The following SCAMP5 variants were observed in gnomAD, a reference collection of about 807,000 sequenced individuals.
SCAMP5 encodes secretory carrier-associated membrane protein 5.
SCAMP5 carries 7 observed loss-of-function variants against 28.3 expected under a neutral mutation model. The observed-to-expected ratio is 0.25, with a 90% CI of 0.14 to 0.46. SCAMP5 has a LOEUF of 0.46. SCAMP5 is among the 20% of genes least tolerant of loss of function. The pLI, the probability that SCAMP5 is intolerant of heterozygous loss-of-function variation, is 0.99. For synonymous variants in SCAMP5, 117 were observed against 116.4 expected (o/e 1.00, Z -0.03); for missense variants, 192 against 312.5 (o/e 0.61, Z 2.91).
chr15:75,000,578 G>C (rs1057079990), intron 1 of SCAMP5, among the ~76,000 whole-genome samples: 15 of 151,216 alleles, frequency 9.9e-5, no homozygotes, highest in African/African-American at 3.4e-4. Flanking sequence ...TAGAGACGAG[G>C]TTTCACCGTG....
chr15:75,006,125 G>A (rs942142230), intron 1 of SCAMP5, among the ~76,000 whole-genome samples: 18 of 150,954 alleles, frequency 1.2e-4, no homozygotes, highest in African/African-American at 3.9e-4. Flanking sequence ...AGCCTCTGGA[G>A]TAGCTGGGAT....
chr15:75,002,741 T>C (rs1238776999), intron 1 of SCAMP5, among the ~76,000 whole-genome samples: 1 of 147,980 alleles, frequency 6.8e-6, no homozygotes, highest in Non-Finnish European at 1.5e-5. Context: ...TCTGCTTGCC[T>C]TTTTTTTTTC....
At chr15:75,005,820 G>A (rs979228218) in intron 1 of SCAMP5, among the ~76,000 whole-genome samples, 3 of 151,880 alleles carry the variant, frequency 2.0e-5, no homozygotes, top group Non-Finnish European at 4.4e-5. Context: ...CGCCTCCCGG[G>A]TTCAAGCAAT....
intron 1 of SCAMP5, among the ~76,000 whole-genome samples, chr15:75,005,047 C>T (rs889103416): frequency 5.3e-5 from 8 of 151,660 alleles, no homozygotes; most frequent in African/African-American, 4.8e-5. Context: ...TGGTGGCGTG[C>T]GCCTGTAGTC....
At chr15:75,017,530 G>C in intron 4 of SCAMP5, 1 of 503,726 alleles carries the variant, frequency 2.0e-6, no homozygotes, top group South Asian at 3.3e-5. Flanking sequence ...AGTGGAGCTA[G>C]CTGTCTTGGT....
At chr15:74,997,047 C>G (rs1386542399) in intron 1 of SCAMP5, among the ~76,000 whole-genome samples, 1 of 152,110 alleles carries the variant, frequency 6.6e-6, no homozygotes, top group Non-Finnish European at 1.5e-5. Context: ...AGTCACCTCC[C>G]CTCTCTGGGC....
chr15:74,998,369 G>C (rs916889426), intron 1 of SCAMP5, among the ~76,000 whole-genome samples: 1 of 152,184 alleles, frequency 6.6e-6, no homozygotes, highest in African/African-American at 2.4e-5. Context: ...ACTTGGGGAG[G>C]CCGAGGCGGG....
At chr15:74,997,182 T>A (rs761800281) in intron 1 of SCAMP5, 4 of 152,240 alleles carry the variant, frequency 2.6e-5, no homozygotes, top group Non-Finnish European at 5.9e-5. Context: ...TTTCCTTTCC[T>A]CCCCTATCCC....
Position 75,017,936 on chromosome 15 carries a change from C to A in SCAMP5, c.360C>A (p.Ile120=), listed in dbSNP as rs367635580. Residue 120 remains isoleucine (I), a synonymous_variant, in exon 5 of 7, where the codon ATC becomes ATA. Coordinates refer to ENST00000425597, the MANE Select transcript of SCAMP5 (RefSeq NM_138967.4). Reference sequence around the variant, plus strand: ...TCATGGCTCAGTTGGTCATCAGCATCATCCAGGCCGTGGGCATCCCAGGCT... The same window carrying A: ...TCATGGCTCAGTTGGTCATCAGCATAATCCAGGCCGTGGGCATCCCAGGCT... The part of the protein sequence containing the change: ...FTFMAQLVIS[I]IQAVGIPGWG... The A allele has an allele frequency of 1.2e-6, 2 of 1,613,818 alleles. No homozygotes were observed. Among genetic ancestry groups the A allele is most frequent in the South Asian group, 1.1e-5 (1 of 91,076 alleles).
intron 4 of SCAMP5, chr15:75,017,555 C>T: frequency 1.8e-6 from 1 of 547,866 alleles, no homozygotes; most frequent in Non-Finnish European, 3.2e-6. Context: ...TTGTCCATCC[C>T]CTTGACAATG....
intron 1 of SCAMP5, among the ~76,000 whole-genome samples, chr15:75,004,328 C>T (rs890670406): frequency 2.0e-5 from 3 of 152,180 alleles, no homozygotes; most frequent in Admixed American, 6.5e-5. Flanking sequence ...CACCACCATG[C>T]TTGTTTCTGC....
intron 1 of SCAMP5, chr15:75,009,746 G>A (rs1181346700): frequency 6.6e-6 from 1 of 152,168 alleles, no homozygotes; most frequent in Non-Finnish European, 1.5e-5. Flanking sequence ...AAAATGCTGG[G>A]ATTACAGGTG....
Position 75,018,633 on chromosome 15 carries a change from C to A in SCAMP5, c.513+98C>A. ...GTTGCAAGAGGATCCCGAGGTCTTC[C>A]AAGGGACTCACTCTGGAATGGCCTG... is the stretch of plus-strand genomic sequence containing the variant. On this transcript the variant is annotated intron_variant, in intron 6 of 6. Coordinates refer to ENST00000425597, the MANE Select transcript of SCAMP5 (RefSeq NM_138967.4). This position sits in a 1 kb window ranked among gnomAD's most constrained non-coding sequence, Gnocchi z 5.6. 2 of 1,065,784 alleles carry A rather than the reference C, an allele frequency of 1.9e-6. No homozygotes were observed. The highest frequency in any genetic ancestry group is 1.2e-5 in the South Asian group (1 of 80,060). The allele number at this position is 1,065,784 out of a possible 1,614,324, so 66.0% of individuals were successfully genotyped here.
intron 1 of SCAMP5, among the ~76,000 whole-genome samples, chr15:75,009,245 AG>A (rs2065788500): frequency 1.3e-5 from 2 of 152,336 alleles, no homozygotes; most frequent in Non-Finnish European, 2.9e-5. Flanking sequence ...TATTCAAAAC[AG>A]TGCCGCAATT....
Position 75,018,199 on chromosome 15 carries a change from T to TG in SCAMP5, c.396-214dup, listed in dbSNP as rs2065875007. On this transcript the variant is annotated intron_variant, in intron 5 of 6. Transcript: ENST00000425597. This position sits in a 1 kb window ranked among gnomAD's most constrained non-coding sequence, Gnocchi z 5.6. ...GGGTGTCAGGGATTATAGGAAAACC[T>TG]GGGGGAAGAAAGTGTTGTATCTGAA... 6.6e-6 allele frequency among the ~76,000 whole-genome samples: 1 copy of TG among 151,878 alleles called. No individual in the cohort carries two copies. Among genetic ancestry groups the TG allele is most frequent in the Non-Finnish European group, 1.5e-5 (1 of 67,956 alleles).
At chr15:75,001,513 T>A (rs1302001996) in intron 1 of SCAMP5, among the ~76,000 whole-genome samples, 1 of 151,328 alleles carries the variant, frequency 6.6e-6, no homozygotes. Flanking sequence ...CAGTGGCTCA[T>A]ATCTGTAATC....
In SCAMP5 at chr15:75,019,218, G is replaced by A. The variant is rs1017554961; in HGVS notation, c.*235G>A. 5.8e-5 allele frequency: 19 copies of A among 327,812 alleles called. No individual in the cohort carries two copies. Among genetic ancestry groups the A allele is most frequent in the African/African-American group, 8.6e-5 (4 of 46,660 alleles). 20.3% of individuals were successfully genotyped at this position (327,812 alleles called of 1,614,324 possible). ...GGCTGCACGTGGAGCTGTCCCGTGC[G>A]GTAGTAGCTGTGTCTGTGTCCCCTC... On this transcript the variant is annotated 3_prime_UTR_variant, in exon 7 of 7. Coordinates refer to ENST00000425597, the MANE Select transcript of SCAMP5 (RefSeq NM_138967.4).
rs1829106000 is a variant in SCAMP5 at position 74,995,664 on chromosome 15, G to A, written c.-58G>A. 6.6e-6 allele frequency: 1 copy of A among 151,410 alleles called. No individual in the cohort carries two copies. Among genetic ancestry groups the A allele is most frequent in the African/African-American group, 2.4e-5 (1 of 41,326 alleles). The allele number at this position is 151,410 out of a possible 1,614,324, so 9.4% of individuals were successfully genotyped here. The stretch of plus-strand genomic sequence containing the variant: ...GCTGCGGCCTTTCGGCAGCCGAACG[G>A]CCGCGGCAGGTGAGTCTGGGCATGA... On this transcript the variant is annotated 5_prime_UTR_variant, in exon 1 of 7. Transcript: ENST00000425597.
chr15:75,000,940 C>G (rs74247770), intron 1 of SCAMP5, among the ~76,000 whole-genome samples: 1 of 151,934 alleles, frequency 6.6e-6, no homozygotes, highest in East Asian at 1.9e-4. Context: ...TTCTCTTTCC[C>G]TGGCCAACTC....
Sources: allele counts gnomAD v4.1 joint callset (sites outside exome capture counted in the v4.1 genomes callset), GRCh38; gene constraint gnomAD v4.1.1; non-coding constraint Gnocchi (gnomAD v3.1); transcripts MANE v1.5; gene names NCBI Gene and HGNC (gene_info 2026-07-23, HGNC 2026-07-21).